The following CRY1 variants were observed in gnomAD, a reference collection of about 807,000 sequenced individuals.
CRY1 encodes cryptochrome-1.
Under a neutral mutation model 76.0 loss-of-function variants are expected in CRY1, and 45 were observed. The ratio of observed to expected loss-of-function variants is 0.59; its 90% confidence interval spans 0.47 to 0.76. CRY1 has a LOEUF of 0.76. Among genes scored for constraint, CRY1 ranks in the 30% least tolerant of loss-of-function variants. The pLI is 0.00. For missense variants in CRY1, 587 were observed against 716.4 expected, an observed-to-expected ratio of 0.82 and a Z score of 2.06; for synonymous variants, 248 against 244.0, an observed-to-expected ratio of 1.02 and a Z score of -0.15.
intron 1 of CRY1, among the ~76,000 whole-genome samples, chr12:107,062,025 CAAAAAAA>C (rs35683352): frequency 2.1e-5 from 2 of 93,558 alleles, no homozygotes; most frequent in Non-Finnish European, 4.1e-5. Context: ...GACCCTGTCT[CAAAAAAA>C]AAAAAAAAAA....
intron 1 of CRY1, among the ~76,000 whole-genome samples, chr12:107,034,646 G>A (rs1952713685): frequency 6.6e-6 from 1 of 152,056 alleles, no homozygotes; most frequent in Non-Finnish European, 1.5e-5. Flanking sequence ...TCAGAAATAT[G>A]GGGAAGAATC....
At chr12:107,069,227 T>A (rs12230209) in intron 1 of CRY1, among the ~76,000 whole-genome samples, 4 of 28,658 alleles carry the variant, frequency 1.4e-4, no homozygotes, top group Non-Finnish European at 1.8e-4. Flanking sequence ...TCCGTTTAAA[T>A]TTTTTTTTTT....
At chr12:107,043,561 C>T (rs765916659) in intron 1 of CRY1, among the ~76,000 whole-genome samples, 1 of 152,092 alleles carries the variant, frequency 6.6e-6, no homozygotes, top group Admixed American at 6.6e-5. Context: ...CATCCCAGGG[C>T]AAAAAAGCAG....
At chr12:107,021,911 T>C (rs1353720555) in intron 2 of CRY1, among the ~76,000 whole-genome samples, 173 bp downstream of exon 2, 1 of 152,148 alleles carries the variant, frequency 6.6e-6, no homozygotes, top group Non-Finnish European at 1.5e-5. Flanking sequence ...TTTCTCACTG[T>C]CTGATTTTTA....
At chr12:107,026,121 TTATA>T (rs953914028) in intron 1 of CRY1, among the ~76,000 whole-genome samples, 524 of 36,820 alleles carry the variant, frequency 0.014, 13 homozygotes, top group Middle Eastern at 0.056. Flanking sequence ...AATATATATA[TTATA>T]TATAATTACA....
chr12:107,070,660 T>C (rs973598745), intron 1 of CRY1, among the ~76,000 whole-genome samples: 3 of 148,508 alleles, frequency 2.0e-5, no homozygotes, highest in African/African-American at 4.9e-5. Flanking sequence ...CGCTGGATTC[T>C]CTTATTTTTA....
Position 107,093,184 on chromosome 12 carries a change from G to C in CRY1, c.-223C>G. 5.7e-6 allele frequency: 3 copies of C among 523,348 alleles called. No homozygotes were observed. Among genetic ancestry groups the C allele is most frequent in the South Asian group, 3.4e-5 (1 of 29,502 alleles). 32.4% of individuals were successfully genotyped at this position (523,348 alleles called of 1,614,324 possible). On this transcript the variant is annotated 5_prime_UTR_variant, in exon 1 of 13. Coordinates refer to ENST00000008527, the MANE Select transcript of CRY1 (RefSeq NM_004075.5). ...GAGGTTGCCTAGTCGGCGGAGTCCG[G>C]GTGTGACGCCCTTTAGGAGCCCGCG...
rs1260357274 is a variant in CRY1, at chr12:106,992,996, G to A, written c.1626C>T (p.Gly542=). 51 of 1,613,832 alleles carry A rather than the reference G, an allele frequency of 3.2e-5. No homozygotes were observed. Among genetic ancestry groups the A allele is most frequent in the Non-Finnish European group, 3.7e-5 (44 of 1,179,898 alleles). ...TCAACAGGTGAGTTTGCTGACTGTC[G>A]CCATGAGCATAGTGTAAAATACCAC... ...QGSGILHYAH[G]DSQQTHLLKQ... Residue 542 remains glycine (G), a synonymous_variant, in exon 11 of 13, where the codon GGC becomes GGT. Transcript: ENST00000008527.
intron 2 of CRY1, among the ~76,000 whole-genome samples, chr12:107,016,431 GTAAAAC>G (rs1164305212): frequency 6.6e-6 from 1 of 152,172 alleles, no homozygotes; most frequent in Non-Finnish European, 1.5e-5. Context: ...AAATTTGATA[GTAAAAC>G]TAAAAGTTGT....
intron 1 of CRY1, among the ~76,000 whole-genome samples, chr12:107,053,757 AC>A (rs1383153125): frequency 2.6e-5 from 4 of 152,352 alleles, no homozygotes; most frequent in Middle Eastern, 3.4e-3. Context: ...AGAAGTAAAT[AC>A]AAAGAAACTC....
intron 3 of CRY1, 58 bp downstream of exon 3, chr12:107,005,048 G>T: frequency 1.3e-6 from 2 of 1,515,232 alleles, no homozygotes; most frequent in Non-Finnish European, 1.8e-6. Context: ...AAATGGTTAA[G>T]ATGGTAAATA....
At chr12:107,017,304 A>G (rs1439496474) in intron 2 of CRY1, among the ~76,000 whole-genome samples, 1 of 152,212 alleles carries the variant, frequency 6.6e-6, no homozygotes, top group African/African-American at 2.4e-5. Flanking sequence ...GCACATGTCT[A>G]CTTCAAGGCC....
At chr12:106,996,960 T>C (rs755058628) in intron 10 of CRY1, among the ~76,000 whole-genome samples, 3 of 152,238 alleles carry the variant, frequency 2.0e-5, no homozygotes, top group Non-Finnish European at 2.9e-5. Flanking sequence ...AATTACCTTA[T>C]AGTTGCCATA....
At chr12:107,045,958 A>G (rs971126875) in intron 1 of CRY1, among the ~76,000 whole-genome samples, 11 of 152,084 alleles carry the variant, frequency 7.2e-5, no homozygotes, top group Admixed American at 5.9e-4. Context: ...TTAAAGTATA[A>G]TTACAAAAAA....
chr12:107,076,719 T>C (rs1213117565), intron 1 of CRY1, among the ~76,000 whole-genome samples: 1 of 152,008 alleles, frequency 6.6e-6, no homozygotes, highest in Non-Finnish European at 1.5e-5. Context: ...CCAAATGTCA[T>C]ATTGAAATGT....
intron 1 of CRY1, among the ~76,000 whole-genome samples, chr12:107,057,319 T>C (rs188973583): frequency 2.6e-5 from 4 of 152,270 alleles, no homozygotes; most frequent in Admixed American, 6.5e-5. Flanking sequence ...TGTCACTTAA[T>C]AGGCATAAAT....
intron 1 of CRY1, 137 bp downstream of exon 1, chr12:107,092,667 A>C (rs1279853330): frequency 8.0e-7 from 1 of 1,246,958 alleles, no homozygotes; most frequent in Non-Finnish European, 1.1e-6. Context: ...TTTAATACTT[A>C]GGGCACCTAA....
Position 107,071,851 on chromosome 12 carries a change from G to A in CRY1, c.158+20953C>T, listed in dbSNP as rs116411845. Among the ~76,000 whole-genome samples the A allele has an allele frequency of 3.7e-3, 568 of 152,234 alleles. 2 individuals carry two copies. The highest frequency in any genetic ancestry group is 0.013 in the African/African-American group (548 of 41,552). On this transcript the variant is annotated intron_variant, in intron 1 of 12. Transcript: ENST00000008527. The stretch of plus-strand genomic sequence containing the variant: ...AACGGCAGGTATTTTAGGAAAATAT[G>A]CATTAATAGCAAATTCAATTATCAA...
chr12:107,065,376 T>G (rs1953097582), intron 1 of CRY1, among the ~76,000 whole-genome samples: 1 of 152,118 alleles, frequency 6.6e-6, no homozygotes, highest in African/African-American at 2.4e-5. Context: ...GCGGATAACC[T>G]GAGGTCAGGA....
Sources: gnomAD v4.1 joint callset for allele counts (sites outside exome capture counted in the v4.1 genomes callset) on GRCh38, gnomAD v4.1.1 for gene constraint, MANE v1.5 for transcripts, NCBI Gene and HGNC (gene_info 2026-07-23, HGNC 2026-07-21) for gene names.